Variants in UQCRC2 observed in about 807,000 individuals in gnomAD.
UQCRC2 encodes ubiquinol-cytochrome c reductase core protein 2, also known as cytochrome b-c1 complex subunit 2, mitochondrial.
Under a neutral mutation model 55.6 loss-of-function variants are expected in UQCRC2, and 49 were observed. The observed-to-expected ratio is 0.88, with a 90% CI of 0.70 to 1.12. The LOEUF is 1.12. Among genes scored for constraint, UQCRC2 ranks in the 50% most tolerant of loss-of-function variants. UQCRC2 has a pLI of 0.00. For missense variants in UQCRC2, 506 were observed against 547.8 expected (o/e 0.92, Z 0.76); for synonymous variants, 193 against 192.0 (o/e 1.01, Z -0.04).
chr16:21,961,657 T>TAC (rs1898206227), intron 4 of UQCRC2, among the ~76,000 whole-genome samples: 2 of 95,336 alleles, frequency 2.1e-5, no homozygotes, highest in Admixed American at 1.0e-4. Flanking sequence ...TATATATATA[T>TAC]ATATATATAT....
chr16:21,958,663 T>G, intron 4 of UQCRC2, 64 bp downstream of exon 4: 1 of 1,429,450 alleles, frequency 7.0e-7, no homozygotes. Flanking sequence ...TAAGGGAACT[T>G]TTCTCTGTTA....
intron 11 of UQCRC2, among the ~76,000 whole-genome samples, chr16:21,974,605 T>C (rs1898538808): frequency 6.6e-6 from 1 of 152,056 alleles, no homozygotes; most frequent in Admixed American, 6.5e-5. Flanking sequence ...AAATGTGTAG[T>C]GATTAAGGAA....
intron 7 of UQCRC2, among the ~76,000 whole-genome samples, chr16:21,967,289 T>G (rs1261376604): frequency 6.6e-6 from 1 of 152,200 alleles, no homozygotes; most frequent in Non-Finnish European, 1.5e-5. Context: ...AAGTTCAGTT[T>G]CATTACTTTA....
chr16:21,966,054 G>A (rs748225851), intron 7 of UQCRC2, among the ~76,000 whole-genome samples: 5 of 150,864 alleles, frequency 3.3e-5, no homozygotes, highest in Non-Finnish European at 4.4e-5. Context: ...TGGCTCATGC[G>A]TGTAATCTCA....
chr16:21,981,169 T>G (rs1171332382), intron 13 of UQCRC2, among the ~76,000 whole-genome samples: 1 of 152,218 alleles, frequency 6.6e-6, no homozygotes, highest in Non-Finnish European at 1.5e-5. Context: ...ATCTTAAGAT[T>G]TTCTTTACTC....
chr16:21,959,986 G>T (rs1898163155), intron 4 of UQCRC2, among the ~76,000 whole-genome samples: 1 of 152,146 alleles, frequency 6.6e-6, no homozygotes, highest in African/African-American at 2.4e-5. Context: ...CAGAGCATAG[G>T]CAGAGTAGAT....
intron 1 of UQCRC2, 85 bp from the exon 2 acceptor site, chr16:21,957,150 C>T (rs561236784): frequency 3.1e-5 from 42 of 1,334,220 alleles, no homozygotes; most frequent in Admixed American, 5.9e-5. Context: ...CACCCTCTGT[C>T]GCTTGGGTAC....
At chr16:21,975,182 A>C (rs923140713) in intron 11 of UQCRC2, among the ~76,000 whole-genome samples, 1 of 152,192 alleles carries the variant, frequency 6.6e-6, no homozygotes, top group Non-Finnish European at 1.5e-5. Flanking sequence ...GGAGATAGCA[A>C]GGGAGTTGGG....
At chr16:21,980,782 T>G in intron 13 of UQCRC2, 82 bp downstream of exon 13, 1 of 1,518,404 alleles carries the variant, frequency 6.6e-7, no homozygotes, top group Non-Finnish European at 8.9e-7. Flanking sequence ...ATAAGCGTCC[T>G]TGGGCAGTGT....
intron 4 of UQCRC2, among the ~76,000 whole-genome samples, chr16:21,961,672 T>TTG (rs1898209560): frequency 1.6e-5 from 1 of 61,534 alleles, no homozygotes; most frequent in Non-Finnish European, 4.7e-5. Flanking sequence ...ATATATATTT[T>TTG]AGACAGTCTC....
intron 8 of UQCRC2, 26 bp from the exon 9 acceptor site, chr16:21,971,499 C>T (rs1898459582): frequency 1.3e-6 from 2 of 1,565,600 alleles, no homozygotes; most frequent in Admixed American, 3.7e-5. Flanking sequence ...GTGGTTCTAG[C>T]TTTGTTTTTG....
Position 21,962,875 on chromosome 16 carries a change from T to C in UQCRC2, c.504T>C (p.Asn168=). 1 of 1,614,172 alleles carries C rather than the reference T, an allele frequency of 6.2e-7. No individual in the cohort carries two copies. Among genetic ancestry groups the C allele is most frequent in the Non-Finnish European group, 8.5e-7 (1 of 1,180,028 alleles). Residue 168 remains asparagine (N), a synonymous_variant, in exon 6 of 14, where the codon AAT becomes AAC. Transcript: ENST00000268379. ...LKIDKAVAFQ[N]PQTHVIENLH... Reference sequence around the variant, plus strand: ...TTGACAAAGCTGTGGCCTTTCAGAATCCGCAGACTCGTAAGTACATTTCCA... The same window carrying C: ...TTGACAAAGCTGTGGCCTTTCAGAACCCGCAGACTCGTAAGTACATTTCCA...
intron 13 of UQCRC2, among the ~76,000 whole-genome samples, chr16:21,981,638 C>G (rs1898731619): frequency 6.6e-6 from 1 of 151,678 alleles, no homozygotes; most frequent in African/African-American, 2.4e-5. Context: ...GCCTGTAGTC[C>G]CAGCTACTCA....
intron 2 of UQCRC2, 36 bp downstream of exon 2, chr16:21,957,354 A>G (rs745931653): frequency 2.9e-5 from 46 of 1,613,884 alleles, no homozygotes; most frequent in Non-Finnish European, 3.6e-5. Flanking sequence ...GAAGCTATAC[A>G]TGCCTTACTC....
In UQCRC2 at chr16:21,983,435, A is replaced by G. The variant is rs1898786453; in HGVS notation, c.*264A>G. ...TTGTTTTAGATGCTTTAAAGGAGAC[A>G]GGAATATAATTATTGAGTATAGAAG... is the stretch of plus-strand genomic sequence containing the variant. On this transcript the variant is annotated 3_prime_UTR_variant, in exon 14 of 14. Transcript: ENST00000268379. 4 of 444,896 alleles carry G rather than the reference A, an allele frequency of 9.0e-6. No individual in the cohort carries two copies. Among genetic ancestry groups the G allele is most frequent in the South Asian group, 6.0e-5 (1 of 16,760 alleles). 27.6% of individuals were successfully genotyped at this position (444,896 alleles called of 1,614,324 possible). A position where few individuals can be genotyped will look rare whatever the true frequency, so the allele number is the denominator to read the frequency against.
In UQCRC2 at chr16:21,957,293, C is replaced by T. The variant is rs765232691; in HGVS notation, c.92C>T (p.Ala31Val). ...KVKATAAPAG[A>V]PPQPQDLEFT... ...AAAGCCACAGCTGCGCCTGCAGGAGCACCGCCACAACCTCAGGACCTTGAG... is the reference window on the plus strand; with the variant it reads ...AAAGCCACAGCTGCGCCTGCAGGAGTACCGCCACAACCTCAGGACCTTGAG... Residue 31 changes from alanine to valine, a missense_variant, in exon 2 of 14, where the codon GCA (alanine) becomes GTA (valine). By Grantham distance (64) the Ala-to-Val change is moderately conservative. Transcript: ENST00000268379. The T allele has an allele frequency of 8.7e-6, 14 of 1,613,896 alleles. No homozygotes were observed. The highest frequency in any genetic ancestry group is 1.2e-5 in the Non-Finnish European group (14 of 1,179,974).
chr16:21,974,940 A>G (rs978334617), intron 11 of UQCRC2, among the ~76,000 whole-genome samples: 3 of 152,188 alleles, frequency 2.0e-5, no homozygotes. Context: ...AGTTTAAAGA[A>G]AGTAGTGAAG....
chr16:21,980,490 GAA>G, intron 12 of UQCRC2, 55 bp from the exon 13 acceptor site: 4 of 1,450,352 alleles, frequency 2.8e-6, no homozygotes, highest in Admixed American at 2.0e-5. Context: ...CCACCACTCA[GAA>G]AAAAAAAATA....
chr16:21,966,475 T>C (rs1388198113), intron 7 of UQCRC2, among the ~76,000 whole-genome samples: 1 of 152,162 alleles, frequency 6.6e-6, no homozygotes, highest in Non-Finnish European at 1.5e-5. Context: ...AAAAACAAAT[T>C]TTATCAAAAG....
Sources: gnomAD v4.1 joint callset for allele counts (sites outside exome capture counted in the v4.1 genomes callset) on GRCh38, gnomAD v4.1.1 for gene constraint, MANE v1.5 for transcripts, NCBI Gene and HGNC (gene_info 2026-07-23, HGNC 2026-07-21) for gene names.